BRINP3: variants seen among roughly 807,000 people sequenced by gnomAD.
The protein encoded by BRINP3 is BMP/retinoic acid inducible neural specific 3, also known as BMP/retinoic acid-inducible neural-specific protein 3.
In BRINP3, 19 loss-of-function variants were observed where a neutral mutation model predicts 71.0. The ratio of observed to expected loss-of-function variants is 0.27; its 90% CI spans 0.19 to 0.39. The LOEUF (loss-of-function observed/expected upper bound fraction) is 0.39. Among genes scored for constraint, BRINP3 ranks in the 10% least tolerant of loss-of-function variants. The pLI, the probability that BRINP3 is intolerant of heterozygous loss-of-function variation, is 1.00. For missense variants in BRINP3, 959 were observed against 940.8 expected, an observed-to-expected ratio of 1.02 and a Z score of -0.25; for synonymous variants, 380 against 337.7, an observed-to-expected ratio of 1.13 and a Z score of -1.37.
intron 2 of BRINP3, among the ~76,000 whole-genome samples, chr1:190,358,710 A>T (rs1326839620): frequency 6.6e-6 from 1 of 152,184 alleles, no homozygotes; most frequent in Non-Finnish European, 1.5e-5. Flanking sequence ...GACACATGAC[A>T]CGTATGCTTA....
At chr1:190,216,462 A>C (rs1656426204) in intron 6 of BRINP3, among the ~76,000 whole-genome samples, 1 of 151,860 alleles carries the variant, frequency 6.6e-6, no homozygotes, top group Admixed American at 6.6e-5. Context: ...GTTAGAGATA[A>C]ATTGATTTCT....
At chr1:190,303,767 T>G (rs982182890) in intron 2 of BRINP3, among the ~76,000 whole-genome samples, 2 of 151,822 alleles carry the variant, frequency 1.3e-5, no homozygotes, top group African/African-American at 4.8e-5. Flanking sequence ...TATTCAATTA[T>G]TAATGTGATA....
chr1:190,138,458 T>C (rs1304512944), intron 7 of BRINP3, among the ~76,000 whole-genome samples: 1 of 152,134 alleles, frequency 6.6e-6, no homozygotes, highest in Non-Finnish European at 1.5e-5. Context: ...AAACAAGAAA[T>C]ATCAGAAAGC....
At chr1:190,357,019 G>T (rs1668776143) in intron 2 of BRINP3, among the ~76,000 whole-genome samples, 1 of 151,932 alleles carries the variant, frequency 6.6e-6, no homozygotes, top group African/African-American at 2.4e-5. Context: ...ACATGGAAAT[G>T]ATTTGGGGGA....
At chr1:190,121,903 G>T (rs1249842870) in intron 7 of BRINP3, among the ~76,000 whole-genome samples, 2 of 152,178 alleles carry the variant, frequency 1.3e-5, no homozygotes, top group Non-Finnish European at 2.9e-5. Flanking sequence ...TAAAAATCGT[G>T]TGGACTGAAA....
At chr1:190,260,535 G>A (rs982135485) in intron 4 of BRINP3, among the ~76,000 whole-genome samples, 1 of 151,500 alleles carries the variant, frequency 6.6e-6, no homozygotes, top group South Asian at 2.1e-4. Context: ...CTTAAAGTAA[G>A]TTTTAAAAAC....
At chr1:190,301,200 C>CATAT (rs1205544792) in intron 2 of BRINP3, among the ~76,000 whole-genome samples, 2 of 87,816 alleles carry the variant, frequency 2.3e-5, no homozygotes, top group South Asian at 4.2e-4. Flanking sequence ...TATATATACA[C>CATAT]ATACATATAT....
chr1:190,334,834 G>A (rs146405181), intron 2 of BRINP3, among the ~76,000 whole-genome samples: 4 of 151,712 alleles, frequency 2.6e-5, no homozygotes, highest in African/African-American at 4.8e-5. Context: ...TTTCCTGTGG[G>A]CAGGCTCAGA....
chr1:190,407,648 A>G (rs954473314), intron 2 of BRINP3, among the ~76,000 whole-genome samples: 1 of 152,220 alleles, frequency 6.6e-6, no homozygotes, highest in Non-Finnish European at 1.5e-5. Context: ...AACATCAGGA[A>G]AAGAAATATA....
Position 190,276,190 on chromosome 1 carries a change from T to C in BRINP3, c.427+5370A>G, listed in dbSNP as rs527949902. On this transcript the variant is annotated intron_variant, in intron 3 of 7. Transcript: ENST00000367462. ...AGAAAGTAATTCTATGCATCTCAAG[T>C]AATTATTCATATTTCTTTAAGAAAT... Among the ~76,000 whole-genome samples, 3 of 151,778 alleles carry C rather than the reference T, an allele frequency of 2.0e-5. No individual in the cohort carries two copies. In the Admixed American group the frequency reaches 2.0e-4, roughly 10 times the overall value.
intron 6 of BRINP3, among the ~76,000 whole-genome samples, chr1:190,203,750 AATATAT>A (rs553650706): frequency 1.0e-4 from 4 of 39,340 alleles, no homozygotes; most frequent in Non-Finnish European, 1.5e-4. Flanking sequence ...CACTAAAGAA[AATATAT>A]ATATATATAT....
chr1:190,306,693 G>A lies in BRINP3; in HGVS notation c.237-24943C>T, dbSNP rs548808392. Among the ~76,000 whole-genome samples the A allele has an allele frequency of 1.0e-3, 157 of 151,564 alleles. 1 individual carries two copies. Among genetic ancestry groups the A allele is most frequent in the Non-Finnish European group, 1.9e-3 (126 of 67,852 alleles). ...TTTTTTTAATTCCATGTCCTAGAGCGCAACTATTTTAGCACAGATAATCAA... is the reference window on the plus strand; with the variant it reads ...TTTTTTTAATTCCATGTCCTAGAGCACAACTATTTTAGCACAGATAATCAA... On this transcript the variant is annotated intron_variant, in intron 2 of 7. Coordinates refer to ENST00000367462, the MANE Select transcript of BRINP3 (RefSeq NM_199051.3).
intron 2 of BRINP3, among the ~76,000 whole-genome samples, chr1:190,322,856 G>C (rs996655353): frequency 7.2e-5 from 11 of 152,030 alleles, no homozygotes; most frequent in African/African-American, 2.4e-4. Flanking sequence ...AATGTTCTGA[G>C]TACTCATTAA....
At chr1:190,273,789 G>C (rs1181130209) in intron 3 of BRINP3, among the ~76,000 whole-genome samples, 1 of 151,558 alleles carries the variant, frequency 6.6e-6, no homozygotes, top group African/African-American at 2.4e-5. Context: ...TATAGTTATT[G>C]AGGGTAGAAA....
rs1268377492 is a variant in BRINP3 at position 190,301,234 on chromosome 1, T to TATATATACAC, written c.237-19485_237-19484insGTGTATATAT. On this transcript the variant is annotated intron_variant, in intron 2 of 7. Coordinates refer to ENST00000367462, the MANE Select transcript of BRINP3 (RefSeq NM_199051.3). ...ATATATATATATATATATATATATA[T>TATATATACAC]ACACACATACATATATATATATATC... 4.9e-5 allele frequency among the ~76,000 whole-genome samples: 6 copies of TATATATACAC among 123,396 alleles called. No homozygotes were observed. The South Asian group carries it at 1.5e-3, about 32-fold the overall frequency. 81.0% of individuals were successfully genotyped at this position (123,396 alleles called of 152,430 possible).
chr1:190,111,305 T>A (rs1162092509), intron 7 of BRINP3, among the ~76,000 whole-genome samples: 1 of 152,024 alleles, frequency 6.6e-6, no homozygotes, highest in African/African-American at 2.4e-5. Flanking sequence ...ATTTCTTTTC[T>A]TTTTTTAATT....
In BRINP3 at chr1:190,298,131, G is replaced by A. The variant is rs536621616; in HGVS notation, c.237-16381C>T. Among the ~76,000 whole-genome samples, 13 of 152,196 alleles carry A rather than the reference G, an allele frequency of 8.5e-5. 1 individual carries two copies. The highest frequency in any genetic ancestry group is 8.5e-4 in the Admixed American group (13 of 15,268). On this transcript the variant is annotated intron_variant, in intron 2 of 7. Coordinates refer to ENST00000367462, the MANE Select transcript of BRINP3 (RefSeq NM_199051.3). ...AATATAAGTGTATAGAGTTTTCACG[G>A]TATTCCTAAGTATCCTCTTAATTAA...
intron 2 of BRINP3, among the ~76,000 whole-genome samples, chr1:190,435,496 C>T (rs1050044478): frequency 2.0e-5 from 3 of 151,456 alleles, no homozygotes; most frequent in Non-Finnish European, 4.4e-5. Flanking sequence ...AATAAGTGAA[C>T]AAATTAGGAA....
At chr1:190,346,444 T>C (rs768420942) in intron 2 of BRINP3, among the ~76,000 whole-genome samples, 2 of 152,242 alleles carry the variant, frequency 1.3e-5, no homozygotes, top group African/African-American at 4.8e-5. Context: ...CTTTTTATCT[T>C]TGGTATTTCT....
Sources: gnomAD v4.1 joint callset for allele counts (sites outside exome capture counted in the v4.1 genomes callset) on GRCh38, gnomAD v4.1.1 for gene constraint, MANE v1.5 for transcripts, NCBI Gene and HGNC (gene_info 2026-07-23, HGNC 2026-07-21) for gene names.